The following FHAD1 variants were observed in gnomAD, a reference collection of about 807,000 sequenced individuals.
The protein encoded by FHAD1 is forkhead-associated domain-containing protein 1.
Under a neutral mutation model 191.3 loss-of-function variants are expected in FHAD1, and 146 were observed. The ratio of observed to expected loss-of-function variants is 0.76; its 90% CI spans 0.67 to 0.88. FHAD1 has a LOEUF of 0.88. Among genes scored for constraint, FHAD1 ranks in the 40% least tolerant of loss-of-function variants. FHAD1 has a pLI of 0.00. For missense variants in FHAD1, 1,635 were observed against 1,785.8 expected, an observed-to-expected ratio of 0.92 and a Z score of 1.52; for synonymous variants, 616 against 672.3, an observed-to-expected ratio of 0.92 and a Z score of 1.29.
chr1:15,350,725 G>A (rs1208383612), intron 19 of FHAD1, among the ~76,000 whole-genome samples: 1 of 152,238 alleles, frequency 6.6e-6, no homozygotes, highest in African/African-American at 2.4e-5. Context: ...AACATGAGGA[G>A]TCAGTATATT....
intron 25 of FHAD1, among the ~76,000 whole-genome samples, chr1:15,368,529 G>A (rs1697175711): frequency 6.6e-6 from 1 of 152,066 alleles, no homozygotes; most frequent in Non-Finnish European, 1.5e-5. Context: ...ACAAAAAAAA[G>A]AGTTTGACTG....
chr1:15,349,933 G>A (rs1403727715), intron 19 of FHAD1, among the ~76,000 whole-genome samples: 1 of 152,164 alleles, frequency 6.6e-6, no homozygotes. Context: ...GGACACCCAG[G>A]TCACACCCTG....
chr1:15,339,510 G>C lies in FHAD1; in HGVS notation c.1936G>C (p.Glu646Gln). Residue 646 changes from glutamate to glutamine, a missense_variant, in exon 15 of 34, where the codon GAA becomes CAA. By Grantham distance (29) the Glu-to-Gln change is conservative (BLOSUM62 2). Coordinates refer to ENST00000688493, the MANE Select transcript of FHAD1 (RefSeq NM_001391957.1). ...GFSLYLIYLL[E>Q]HYKKLMSQAQ... ...CTCTTTGTATCTGATATATCTTCTG[G>C]AACATTATAAAAAACTTATGAGCCA... is the stretch of plus-strand genomic sequence containing the variant. The C allele has an allele frequency of 1.6e-6, 2 of 1,285,588 alleles. No homozygotes were observed. Among genetic ancestry groups the C allele is most frequent in the Non-Finnish European group, 2.0e-6 (2 of 977,202 alleles). The allele number at this position is 1,285,588 out of a possible 1,614,324, so 79.6% of individuals were successfully genotyped here. A position where few individuals can be genotyped will look rare whatever the true frequency, so the allele number is the denominator to read the frequency against.
rs1359544912 is a variant in FHAD1, at chr1:15,380,699, A to G, written c.3706-2A>G. On this transcript the variant is annotated splice_acceptor_variant, in intron 28 of 33. Transcript: ENST00000688493. LOFTEE classifies it high-confidence loss of function. Reference sequence around the variant, plus strand: ...AGGCCTTTCATTTCTTTCTGATTTCAGCCTCAGAATGGCCTTTGCAACGCA... The same window carrying G: ...AGGCCTTTCATTTCTTTCTGATTTCGGCCTCAGAATGGCCTTTGCAACGCA... The G allele has an allele frequency of 6.4e-7, 1 of 1,551,060 alleles. No homozygotes were observed. The highest frequency in any genetic ancestry group is 1.2e-5 in the South Asian group (1 of 84,048).
At chr1:15,278,191 G>A (rs1267265648) in intron 3 of FHAD1, among the ~76,000 whole-genome samples, 2 of 152,128 alleles carry the variant, frequency 1.3e-5, no homozygotes. Flanking sequence ...CAATGGCAGA[G>A]TTGAGTAGAC....
chr1:15,248,126 T>C (rs1329428816), intron 1 of FHAD1, among the ~76,000 whole-genome samples: 1 of 151,678 alleles, frequency 6.6e-6, no homozygotes, highest in Non-Finnish European at 1.5e-5. Flanking sequence ...CTGTCAGAGG[T>C]TCTTAGGCTA....
chr1:15,243,890 C>T (rs10927747), upstream of FHAD1, among the ~76,000 whole-genome samples: 10 of 152,012 alleles, frequency 6.6e-5, no homozygotes, highest in African/African-American at 1.7e-4. Context: ...ACATTCATCT[C>T]GATTCAAATC....
chr1:15,285,980 A>G (rs543350751), intron 3 of FHAD1, among the ~76,000 whole-genome samples: 2 of 152,348 alleles, frequency 1.3e-5, no homozygotes, highest in East Asian at 3.9e-4. Flanking sequence ...ATCCACTTAT[A>G]TGAGGGACAG....
At chr1:15,308,776 C>CA (rs1671351209) in intron 7 of FHAD1, 40 bp downstream of exon 7, 7 of 1,550,378 alleles carry the variant, frequency 4.5e-6, no homozygotes, top group Non-Finnish European at 6.1e-6. Context: ...GCCACTCCCG[C>CA]ACCCGTTGTT....
At chr1:15,399,033 A>C (rs1458741022), downstream of FHAD1, among the ~76,000 whole-genome samples, 2 of 151,968 alleles carry the variant, frequency 1.3e-5, no homozygotes, top group Non-Finnish European at 2.9e-5. Context: ...TGTTGGCCAG[A>C]CTGGTCTAGA....
intron 3 of FHAD1, among the ~76,000 whole-genome samples, chr1:15,279,868 T>C (rs1659937635): frequency 6.6e-6 from 1 of 151,724 alleles, no homozygotes; most frequent in Non-Finnish European, 1.5e-5. Context: ...ATGCAGGAGA[T>C]GGATGCAATG....
intron 3 of FHAD1, among the ~76,000 whole-genome samples, chr1:15,273,683 C>G (rs1160342395): frequency 3.9e-5 from 6 of 152,130 alleles, no homozygotes; most frequent in Admixed American, 1.3e-4. Flanking sequence ...AGATACTTGA[C>G]TTTTTGTGTT....
Position 15,318,259 on chromosome 1 carries a change from C to T in FHAD1, c.1365+331C>T, listed in dbSNP as rs894000209. 4.6e-5 allele frequency among the ~76,000 whole-genome samples: 7 copies of T among 152,198 alleles called. No individual in the cohort carries two copies. Among genetic ancestry groups the T allele is most frequent in the African/African-American group, 1.7e-4 (7 of 41,432 alleles). ...GTGTTGCTTAATTATTTTAATGTCC[C>T]TTCCCATCATGGGAAAAAAAATTGT... is the stretch of plus-strand genomic sequence containing the variant. On this transcript the variant is annotated intron_variant, in intron 10 of 33. Transcript: ENST00000688493. This position sits in a 1 kb window ranked among gnomAD's most constrained non-coding sequence, Gnocchi z 4.1.
chr1:15,273,776 A>C (rs1203931925), intron 3 of FHAD1, among the ~76,000 whole-genome samples: 1 of 152,244 alleles, frequency 6.6e-6, no homozygotes, highest in African/African-American at 2.4e-5. Flanking sequence ...TCTAAGGAAC[A>C]GTTCAGTGTT....
At chr1:15,386,609 T>C (rs1570560441) in intron 31 of FHAD1, among the ~76,000 whole-genome samples, 1 of 152,192 alleles carries the variant, frequency 6.6e-6, no homozygotes, top group African/African-American at 2.4e-5. Context: ...CCTTCCGGGC[T>C]CCAGCCAATC....
intron 24 of FHAD1, among the ~76,000 whole-genome samples, chr1:15,366,496 C>G (rs1696515607): frequency 6.6e-6 from 1 of 152,180 alleles, no homozygotes. Context: ...TGAAATGCAA[C>G]TTACTTCTTC....
chr1:15,326,381 G>A (rs1490093923), intron 11 of FHAD1: 4 of 152,202 alleles, frequency 2.6e-5, no homozygotes, highest in African/African-American at 9.7e-5. Flanking sequence ...CGGACTTAAT[G>A]TAACTGCTAT....
At chr1:15,264,113 G>T (rs900422214) in intron 2 of FHAD1, among the ~76,000 whole-genome samples, 1 of 152,040 alleles carries the variant, frequency 6.6e-6, no homozygotes, top group Admixed American at 6.6e-5. Context: ...GCTCTTCAGG[G>T]TTCCTTTGAG....
chr1:15,380,677 C>G, intron 28 of FHAD1, 24 bp from the exon 29 acceptor site: 2 of 1,528,246 alleles, frequency 1.3e-6, no homozygotes, highest in African/African-American at 1.4e-5. Flanking sequence ...TCAAGAGAGG[C>G]CTTTCATTTC....
Sources: gnomAD v4.1 joint callset for allele counts (sites outside exome capture counted in the v4.1 genomes callset) on GRCh38, gnomAD v4.1.1 for gene constraint, Gnocchi (gnomAD v3.1) non-coding constraint, MANE v1.5 for transcripts, NCBI Gene and HGNC (gene_info 2026-07-23, HGNC 2026-07-21) for gene names.